PRH1: variants seen among roughly 807,000 people sequenced by gnomAD.
PRH1 encodes the protein proline rich protein HaeIII subfamily 1.
PRH1 carries 7 observed loss-of-function variants against 7.9 expected under a neutral mutation model. The observed-to-expected ratio is 0.89, with a 90% confidence interval of 0.50 to 1.67. The LOEUF is 1.67. Ranked by LOEUF, PRH1 falls within the 40% of genes most tolerant of loss-of-function variation. The pLI, the probability that PRH1 is intolerant of heterozygous loss-of-function variation, is 0.00. For missense variants in PRH1, 109 were observed against 223.6 expected, an observed-to-expected ratio of 0.49 and a Z score of 3.27; for synonymous variants, 45 against 80.8, an observed-to-expected ratio of 0.56 and a Z score of 2.38.
Position 11,168,200 on chromosome 12 carries a change from CGAAAGAAAGAAAGAAGAAAGAAAGAAA to C in PRH1, n.39+3195_39+3221del, listed in dbSNP as rs1392459095. The stretch of plus-strand genomic sequence containing the variant: ...TACATATTAAAGCCATGGCAAAAAA[CGAAAGAAAGAAAGAAGAAAGAAAGAAA>C]GAAAGAAAGAAAGAAAGAAAGAAAG... On this transcript the variant is annotated intron_variant and non_coding_transcript_variant, in intron 1 of 1. Coordinates refer to the PRH1 transcript ENST00000541175. Among the ~76,000 whole-genome samples the C allele has an allele frequency of 4.7e-3, 171 of 36,372 alleles. 37 individuals carry two copies. The highest frequency in any genetic ancestry group is 0.029 in the East Asian group (2 of 68). The allele number at this position is 36,372 out of a possible 152,430, so 23.9% of individuals were successfully genotyped here.
At chr12:10,913,477 A>G (rs966547451) in intron 2 of PRH1, among the ~76,000 whole-genome samples, 1 of 152,126 alleles carries the variant, frequency 6.6e-6, no homozygotes, top group African/African-American at 2.4e-5. Context: ...TCTATTTAGT[A>G]TATATTAAAA....
At chr12:10,982,306 G>A (rs953591617) in intron 1 of PRH1, among the ~76,000 whole-genome samples, 5 of 152,176 alleles carry the variant, frequency 3.3e-5, no homozygotes, top group African/African-American at 1.2e-4. Flanking sequence ...GTTCCAGGGG[G>A]CGGTCGTCCA....
chr12:10,901,309 C>G (rs918043587), intron 2 of PRH1, among the ~76,000 whole-genome samples: 1 of 152,170 alleles, frequency 6.6e-6, no homozygotes, highest in African/African-American at 2.4e-5. Context: ...TATTCAGAGC[C>G]CCCACTCTCC....
intron 1 of PRH1, among the ~76,000 whole-genome samples, chr12:11,140,833 C>A (rs1441367343): frequency 2.0e-5 from 3 of 152,006 alleles, no homozygotes; most frequent in Non-Finnish European, 4.4e-5. Flanking sequence ...GGTTGTATAG[C>A]CTGGTGAATG....
intron 1 of PRH1, among the ~76,000 whole-genome samples, chr12:11,170,230 T>C (rs1484686219): frequency 6.6e-6 from 1 of 152,232 alleles, no homozygotes; most frequent in Non-Finnish European, 1.5e-5. Flanking sequence ...TTCACTGTGC[T>C]GTTACTCTAA....
At position 11,077,602 on chromosome 12, in the gene PRH1, T is replaced by C. The variant is rs182433522; in HGVS notation, n.124-30414A>G. On this transcript the variant is annotated intron_variant and non_coding_transcript_variant, in intron 1 of 4. Transcript: ENST00000541977. The stretch of plus-strand genomic sequence containing the variant: ...CTTGGTGCTGAGATCTTGAGATCCT[T>C]TGCCATGGAGCTGCATCTTCTTGAG... 9.2e-6 allele frequency: 12 copies of C among 1,303,118 alleles called. 2 individuals are homozygous for C. The African/African-American group carries it at 1.7e-4, about 19-fold the overall frequency. 80.7% of individuals were successfully genotyped at this position (1,303,118 alleles called of 1,614,324 possible).
At chr12:11,077,838 A>G in intron 1 of PRH1, 1 of 959,504 alleles carries the variant, frequency 1.0e-6, no homozygotes, top group Non-Finnish European at 1.7e-6. Context: ...ATACCAAGGG[A>G]CCCAACAGTA....
chr12:11,154,687 C>T (rs1245627224), intron 1 of PRH1, among the ~76,000 whole-genome samples: 1 of 152,210 alleles, frequency 6.6e-6, no homozygotes, highest in Non-Finnish European at 1.5e-5. Flanking sequence ...ATATTGACAA[C>T]TCCAAGTATC....
At chr12:11,131,883 C>T (rs951388713) in intron 1 of PRH1, among the ~76,000 whole-genome samples, 4 of 152,144 alleles carry the variant, frequency 2.6e-5, no homozygotes, top group Non-Finnish European at 5.9e-5. Context: ...TTTTATCCAC[C>T]CATTTATTTG....
chr12:10,930,966 G>A (rs1950201200), intron 2 of PRH1: 1 of 1,599,928 alleles, frequency 6.3e-7, no homozygotes, highest in Non-Finnish European at 8.5e-7. Context: ...GAGGCCATCA[G>A]CAAGGTCCTC....
chr12:11,109,744 AAAAACCGGAAGCCT>A (rs571119431), intron 1 of PRH1, among the ~76,000 whole-genome samples: 32 of 152,326 alleles, frequency 2.1e-4, no homozygotes, highest in African/African-American at 7.7e-4. Flanking sequence ...TGAAAATTCC[AAAAACCGGAAGCCT>A]CTTCTCTTCC....
chr12:11,143,284 T>C (rs781229166), intron 1 of PRH1, among the ~76,000 whole-genome samples: 4 of 152,220 alleles, frequency 2.6e-5, no homozygotes, highest in Non-Finnish European at 4.4e-5. Flanking sequence ...TAAGTTGCTA[T>C]CAGCTTGAAA....
chr12:11,115,170 C>T (rs1216040377), intron 1 of PRH1, among the ~76,000 whole-genome samples: 1 of 152,012 alleles, frequency 6.6e-6, no homozygotes, highest in Non-Finnish European at 1.5e-5. Context: ...CACACTTTGT[C>T]TATAAAGACA....
At chr12:11,075,163 A>G (rs1338736289) in intron 1 of PRH1, among the ~76,000 whole-genome samples, 28,259 of 82,342 alleles carry the variant, frequency 0.34, 3,282 homozygotes, top group Non-Finnish European at 0.44. Flanking sequence ...CATTTATAAT[A>G]TGGCAATTAA....
rs147794418 is a variant in PRH1 at position 10,996,988 on chromosome 12, C to T, written c.-125-23267G>A. On this transcript the variant is annotated intron_variant, in intron 1 of 3. Coordinates refer to the PRH1 transcript ENST00000539853. ...TCTGTCCTTTTGCCCAGCAAGTCACCTGCCACAAAACTGAAAGAAAGGTCT... is the reference window on the plus strand; with the variant it reads ...TCTGTCCTTTTGCCCAGCAAGTCACTTGCCACAAAACTGAAAGAAAGGTCT... 389 of 1,613,532 alleles carry T rather than the reference C, an allele frequency of 2.4e-4. No individual in the cohort carries two copies. The African/African-American group carries it at 4.6e-3, about 19-fold the overall frequency.
intron 1 of PRH1, among the ~76,000 whole-genome samples, chr12:11,058,163 AAGGTTG>A (rs1284272635): frequency 6.6e-6 from 1 of 152,108 alleles, no homozygotes. Context: ...CTGAGCCCAG[AAGGTTG>A]AGGCTGCAAT....
intron 1 of PRH1, among the ~76,000 whole-genome samples, chr12:11,115,392 T>C (rs1945703620): frequency 6.6e-6 from 1 of 150,728 alleles, no homozygotes; most frequent in Non-Finnish European, 1.5e-5. Context: ...AGCACCCAGA[T>C]ATATAAAGCA....
intron 2 of PRH1, among the ~76,000 whole-genome samples, chr12:10,963,402 C>T (rs1938351795): frequency 6.6e-6 from 1 of 151,902 alleles, no homozygotes; most frequent in Admixed American, 6.6e-5. Flanking sequence ...AAGTATAATT[C>T]AAATGATTTT....
At chr12:10,957,475 A>G (rs1318518919) in intron 2 of PRH1, among the ~76,000 whole-genome samples, 2 of 152,186 alleles carry the variant, frequency 1.3e-5, no homozygotes, top group Non-Finnish European at 2.9e-5. Flanking sequence ...CGGAAAAATA[A>G]CCTAGTAAAC....
Sources: allele counts gnomAD v4.1 joint callset (sites outside exome capture counted in the v4.1 genomes callset), GRCh38; gene constraint gnomAD v4.1.1; transcripts MANE v1.5; gene names NCBI Gene and HGNC (gene_info 2026-07-23, HGNC 2026-07-21).